Variants in CNIH3 observed in about 807,000 individuals in gnomAD.
The protein encoded by CNIH3 is protein cornichon homolog 3.
In CNIH3, 14 loss-of-function variants were observed where a neutral mutation model predicts 24.1. That is an observed-to-expected ratio of 0.58 (90% CI 0.38 to 0.91). The LOEUF is 0.91. Ranked by LOEUF, CNIH3 falls within the 40% of genes least tolerant of loss-of-function variation. CNIH3 has a pLI of 0.00. For synonymous variants in CNIH3, 68 were observed against 73.8 expected, an observed-to-expected ratio of 0.92 and a Z score of 0.40; for missense variants, 178 against 196.8, an observed-to-expected ratio of 0.90 and a Z score of 0.57.
intron 1 of CNIH3, among the ~76,000 whole-genome samples, chr1:224,467,419 T>A (rs1421905344): frequency 1.3e-5 from 2 of 152,068 alleles, no homozygotes; most frequent in Non-Finnish European, 2.9e-5. Flanking sequence ...TCCTGGATCA[T>A]AGTTTTTGTT....
Position 224,616,346 on chromosome 1 carries a change from GGCAGCGGCA to G in CNIH3, c.-823_-815del. The G allele has an allele frequency of 1.9e-6, 1 of 513,276 alleles. No homozygotes were observed. 31.8% of individuals were successfully genotyped at this position (513,276 alleles called of 1,614,324 possible). A position where few individuals can be genotyped will look rare whatever the true frequency, so the allele number is the denominator to read the frequency against. On this transcript the variant is annotated 5_prime_UTR_variant, in exon 1 of 6. Coordinates refer to ENST00000272133, the MANE Select transcript of CNIH3 (RefSeq NM_152495.2). ...TGGCAAAGGCGGCGGCGGCGGCGGC[GGCAGCGGCA>G]GCAGCAGGTGGAGCGAGCTACAGCG...
rs1383630017 is a variant in CNIH3 at position 224,453,565 on chromosome 1, A to G, written n.203+18703A>G. 2.0e-5 allele frequency among the ~76,000 whole-genome samples: 3 copies of G among 152,134 alleles called. No homozygotes were observed. The South Asian group carries it at 6.2e-4, about 32-fold the overall frequency. On this transcript the variant is annotated intron_variant and non_coding_transcript_variant, in intron 1 of 5. Transcript: ENST00000471578. ...AACTCTTATGCTAAGTTCTAACACC[A>G]TAATCAGAAGAACTTTGGATATTTC...
rs145641074 is a variant in CNIH3 at position 224,638,003 on chromosome 1, C to T, written c.81+20748C>T. Among the ~76,000 whole-genome samples the T allele has an allele frequency of 1.1e-4, 16 of 152,342 alleles. No individual in the cohort carries two copies. In the East Asian group the frequency reaches 3.1e-3, roughly 29 times the overall value. On this transcript the variant is annotated intron_variant, in intron 1 of 5. Transcript: ENST00000272133. ...AGTAAAATGAAGCAAATGGGCATTT[C>T]CTGTTTATAATGTCTCCAATATAGA...
chr1:224,610,016 A>G (rs1682609504), intron 3 of CNIH3, among the ~76,000 whole-genome samples: 1 of 152,220 alleles, frequency 6.6e-6, no homozygotes, highest in South Asian at 2.1e-4. Flanking sequence ...CATTTCAAGT[A>G]CCCATAAAAC....
At chr1:224,591,719 A>G (rs1053832798), downstream of CNIH3, among the ~76,000 whole-genome samples, 1 of 152,184 alleles carries the variant, frequency 6.6e-6, no homozygotes, top group Non-Finnish European at 1.5e-5. Flanking sequence ...CTAGGCCTCC[A>G]CCTCTGGGGT....
intron 3 of CNIH3, among the ~76,000 whole-genome samples, chr1:224,549,665 A>G (rs934528313): frequency 6.6e-6 from 1 of 152,182 alleles, no homozygotes; most frequent in Non-Finnish European, 1.5e-5. Context: ...CAGAGCGATG[A>G]TATTTCACTA....
intron 3 of CNIH3, chr1:224,566,056 A>T (rs1332646195): frequency 2.0e-5 from 3 of 149,402 alleles, no homozygotes; most frequent in Non-Finnish European, 4.4e-5. Context: ...TTCTCTCCCC[A>T]TTGCTTTAAT....
Position 224,533,258 on chromosome 1 carries a change from TA to T in CNIH3, n.344-3674del, listed in dbSNP as rs200635103. 7.6e-3 allele frequency among the ~76,000 whole-genome samples: 1,103 copies of T among 145,432 alleles called. 19 individuals are homozygous for T. The highest frequency in any genetic ancestry group is 0.027 in the African/African-American group (1,021 of 38,160). ...AGCATGTCTCTACAAAAAAAAAAAA[TA>T]AAATAAAATTGGCTGAGAGTAGTGG... On this transcript the variant is annotated intron_variant and non_coding_transcript_variant, in intron 2 of 2. Transcript: ENST00000470602.
At chr1:224,509,970 G>A (rs1678074214) in intron 1 of CNIH3, among the ~76,000 whole-genome samples, 1 of 152,148 alleles carries the variant, frequency 6.6e-6, no homozygotes, top group East Asian at 1.9e-4. Context: ...CTCGATGCAC[G>A]AACCATAGAG....
In CNIH3 at chr1:224,494,631, A is replaced by G. The variant is rs185986396; in HGVS notation, n.204-21110A>G. On this transcript the variant is annotated intron_variant and non_coding_transcript_variant, in intron 1 of 5. Transcript: ENST00000471578. Reference sequence around the variant, plus strand: ...TACTGGTTTCTGTAGTTTAACTTCTATGGTTCTTTCGGGGTTCCTTTTGCA... The same window carrying G: ...TACTGGTTTCTGTAGTTTAACTTCTGTGGTTCTTTCGGGGTTCCTTTTGCA... Among the ~76,000 whole-genome samples the G allele has an allele frequency of 5.3e-3, 805 of 152,178 alleles. 12 individuals are homozygous for G. The highest frequency in any genetic ancestry group is 0.018 in the African/African-American group (757 of 41,502).
chr1:224,642,864 C>T (rs561868756), intron 1 of CNIH3, among the ~76,000 whole-genome samples: 12 of 152,252 alleles, frequency 7.9e-5, no homozygotes, highest in East Asian at 7.7e-4. Context: ...AAGTAAGATG[C>T]GAGAGAGCTA....
intron 1 of CNIH3, among the ~76,000 whole-genome samples, chr1:224,647,965 G>C (rs2125101003): frequency 6.6e-6 from 1 of 152,328 alleles, no homozygotes. Flanking sequence ...GGAACGGGCA[G>C]GAATTTTTGG....
At chr1:224,655,052 G>A (rs1027781682) in intron 1 of CNIH3, among the ~76,000 whole-genome samples, 12 of 152,200 alleles carry the variant, frequency 7.9e-5, no homozygotes, top group Admixed American at 3.9e-4. Context: ...GAGGTATAGG[G>A]TTAAAAAACC....
intron 1 of CNIH3, among the ~76,000 whole-genome samples, chr1:224,496,656 A>C (rs1209537805): frequency 2.6e-5 from 4 of 152,282 alleles, no homozygotes; most frequent in African/African-American, 9.6e-5. Flanking sequence ...AGTGAACAGG[A>C]TGGGTCCCTT....
intron 3 of CNIH3, among the ~76,000 whole-genome samples, chr1:224,610,548 C>T (rs888699299): frequency 6.6e-6 from 1 of 152,172 alleles, no homozygotes; most frequent in Non-Finnish European, 1.5e-5. Context: ...TTTCCTGAGG[C>T]CTCCCCAGCC....
intron 3 of CNIH3, among the ~76,000 whole-genome samples, chr1:224,726,592 T>C (rs913860603): frequency 6.6e-6 from 1 of 152,176 alleles, no homozygotes; most frequent in Non-Finnish European, 1.5e-5. Context: ...CTCTCTATGC[T>C]TTTGCTTTCA....
At chr1:224,569,308 G>C (rs537980450) in intron 4 of CNIH3, among the ~76,000 whole-genome samples, 1 of 152,286 alleles carries the variant, frequency 6.6e-6, no homozygotes, top group East Asian at 1.9e-4. Context: ...GTTTTACTCA[G>C]ACATTTGATC....
intron 1 of CNIH3, among the ~76,000 whole-genome samples, chr1:224,651,477 G>A (rs1267639575): frequency 1.3e-5 from 2 of 152,094 alleles, no homozygotes; most frequent in African/African-American, 4.8e-5. Context: ...CTTTCCTCCA[G>A]CCACTGTCCC....
At chr1:224,543,533 G>A (rs1285805944) in intron 2 of CNIH3, among the ~76,000 whole-genome samples, 1 of 152,194 alleles carries the variant, frequency 6.6e-6, no homozygotes, top group African/African-American at 2.4e-5. Context: ...GGACAGTGCT[G>A]TTGGAGACCA....
Sources: gnomAD v4.1 joint callset for allele counts (sites outside exome capture counted in the v4.1 genomes callset) on GRCh38, gnomAD v4.1.1 for gene constraint, MANE v1.5 for transcripts, NCBI Gene and HGNC (gene_info 2026-07-23, HGNC 2026-07-21) for gene names.